Variants in SPPL2B observed in about 807,000 individuals in gnomAD.
SPPL2B encodes signal peptide peptidase like 2B.
SPPL2B carries 39 observed loss-of-function variants against 59.7 expected under a neutral mutation model. The ratio of observed to expected loss-of-function variants is 0.65; its 90% confidence interval spans 0.51 to 0.85. SPPL2B has a LOEUF of 0.85. Ranked by LOEUF, SPPL2B falls within the 40% of genes least tolerant of loss-of-function variation. SPPL2B has a pLI of 0.00. For synonymous variants in SPPL2B, 419 were observed against 370.8 expected, an observed-to-expected ratio of 1.13 and a Z score of -1.49; for missense variants, 865 against 849.0, an observed-to-expected ratio of 1.02 and a Z score of -0.23.
chr19:2,334,439 C>T (rs889962221), intron 1 of SPPL2B, among the ~76,000 whole-genome samples, 163 bp from the exon 2 acceptor site: 6 of 152,220 alleles, frequency 3.9e-5, no homozygotes, highest in East Asian at 1.9e-4. Flanking sequence ...CGTATGGTCA[C>T]GTCCCTGTCT....
chr19:2,351,815 C>T (rs1599259685), intron 14 of SPPL2B, among the ~76,000 whole-genome samples: 2 of 101,706 alleles, frequency 2.0e-5, no homozygotes, highest in South Asian at 3.3e-4. Flanking sequence ...AGGTGGGGCC[C>T]GGGGGTGCCG....
chr19:2,346,392 A>C (rs1394140280), intron 13 of SPPL2B, among the ~76,000 whole-genome samples: 3 of 152,240 alleles, frequency 2.0e-5, no homozygotes, highest in Admixed American at 6.5e-5. Flanking sequence ...GAGGCCGGGT[A>C]CGGGGGCTCA....
chr19:2,341,620 C>T (rs1304261797), intron 8 of SPPL2B: 2 of 456,140 alleles, frequency 4.4e-6, no homozygotes, highest in East Asian at 1.4e-4. Flanking sequence ...TACCATCTGG[C>T]ACTTCCTCCC....
rs372457091 is a variant in SPPL2B at position 2,339,827 on chromosome 19, G to T, written c.603G>T (p.Arg201Ser). 7 of 1,606,728 alleles carry T rather than the reference G, an allele frequency of 4.4e-6. No individual in the cohort carries two copies. The African/African-American group carries it at 9.4e-5, about 21-fold the overall frequency. ...YWAGSRDVKK[R>S]YMKHKRDDGP... ...CGACCCCATGGTGTCTCCCAAGAAG[G>T]TACATGAAGCACAAGCGCGACGATG... Residue 201 changes from arginine to serine, a missense_variant, in exon 6 of 15, where the codon AGG (arginine) becomes AGT (serine). Transcript: ENST00000613503.
At chr19:2,335,980 C>CGTA (rs1555749940) in intron 2 of SPPL2B, among the ~76,000 whole-genome samples, 3 of 152,004 alleles carry the variant, frequency 2.0e-5, no homozygotes, top group Admixed American at 1.3e-4. Flanking sequence ...TGTGTGAACA[C>CGTA]ATAGGTGTGT....
intron 7 of SPPL2B, chr19:2,340,655 G>C: frequency 1.7e-6 from 1 of 575,282 alleles, no homozygotes; most frequent in South Asian, 2.1e-5. Context: ...GGGCGAAGGG[G>C]CGCAGCGCAG....
chr19:2,350,418 CCA>C (rs56289055), intron 13 of SPPL2B, among the ~76,000 whole-genome samples: 95,566 of 140,928 alleles, frequency 0.68, 33,270 homozygotes, highest in Non-Finnish European at 0.74. Flanking sequence ...CGTTCTCTCT[CCA>C]CACACACACT....
At chr19:2,344,798 A>C in intron 12 of SPPL2B, 146 bp downstream of exon 12, 1 of 655,584 alleles carries the variant, frequency 1.5e-6, no homozygotes, top group Non-Finnish European at 2.7e-6. Context: ...GGGGCCGTTG[A>C]GGCCTGGGTG....
rs1259900199 is a variant in SPPL2B at position 2,337,520 on chromosome 19, C to T, written c.264C>T (p.Asn88=). Reference sequence around the variant, plus strand: ...ACCTCCCCGCCCGTGGCTTCAGCAACCAGATCCCGCTGGTGGCGCGGGGGA... The same window carrying T: ...ACCTCCCCGCCCGTGGCTTCAGCAATCAGATCCCGCTGGTGGCGCGGGGGA... The part of the protein sequence containing the change: ...AADLPARGFS[N]QIPLVARGNC... Residue 88 remains asparagine, a synonymous_variant, in exon 3 of 15, where the codon AAC becomes AAT. Transcript: ENST00000613503. 1.9e-6 allele frequency: 3 copies of T among 1,613,300 alleles called. No homozygotes were observed. Among genetic ancestry groups the T allele is most frequent in the East Asian group, 2.2e-5 (1 of 44,868 alleles).
Position 2,353,106 on chromosome 19 carries a change from TGGG to T in SPPL2B, c.1679_1681del (p.Gly560del), listed in dbSNP as rs763136797. The T allele has an allele frequency of 1.2e-6, 2 of 1,610,690 alleles. No individual in the cohort carries two copies. On this transcript the variant is annotated inframe_deletion, in exon 15 of 15. Transcript: ENST00000613503. ...CCAAAATCACGCACGTCCGAGGAGA[TGGG>T]GGCTGGAGCCCCCATGCGGGAGCCT...
chr19:2,329,959 C>G (rs1968193601), intron 1 of SPPL2B, among the ~76,000 whole-genome samples: 1 of 152,020 alleles, frequency 6.6e-6, no homozygotes, highest in African/African-American at 2.4e-5. Context: ...GCTGCTCTGT[C>G]AGCCCCCTTT....
intron 7 of SPPL2B, among the ~76,000 whole-genome samples, 183 bp from the exon 8 acceptor site, chr19:2,340,715 C>T (rs903471088): frequency 2.3e-4 from 35 of 152,112 alleles, no homozygotes; most frequent in African/African-American, 8.2e-4. Flanking sequence ...CTGCCCGGGT[C>T]GGGCTCTGCC....
intron 8 of SPPL2B, chr19:2,341,400 G>A (rs1365637033): frequency 4.2e-6 from 2 of 470,832 alleles, no homozygotes; most frequent in East Asian, 6.5e-5. Flanking sequence ...GGGCACCAGG[G>A]CACCCGGTCC....
In SPPL2B at chr19:2,332,224, C is replaced by T. The variant is rs975873050; in HGVS notation, c.67-2378C>T. Among the ~76,000 whole-genome samples the T allele has an allele frequency of 6.6e-6, 1 of 152,212 alleles. No individual in the cohort carries two copies. Among genetic ancestry groups the T allele is most frequent in the African/African-American group, 2.4e-5 (1 of 41,438 alleles). ...ATTGTGGGGACCGGGGCTCCGTGGG[C>T]TTTCACCATGCTGCCACCCCGAGGT... On this transcript the variant is annotated intron_variant, in intron 1 of 14. Transcript: ENST00000613503. This position sits in a 1 kb window ranked among gnomAD's most constrained non-coding sequence, Gnocchi z 4.6.
intron 4 of SPPL2B, 79 bp from the exon 5 acceptor site, chr19:2,338,990 C>G (rs1269314463): frequency 6.6e-7 from 1 of 1,504,880 alleles, no homozygotes; most frequent in East Asian, 2.5e-5. Context: ...CAGCCCCAGC[C>G]CCACAGCCCA....
In SPPL2B at chr19:2,349,968, C is replaced by T. The variant is rs545554126; in HGVS notation, c.1355-1466C>T. ...TCATTTGCTTGATTCTGTTCTCTCT[C>T]TACACACACTCACGCGCTCTCATTT... On this transcript the variant is annotated intron_variant, in intron 13 of 14. Coordinates refer to ENST00000613503, the MANE Select transcript of SPPL2B (RefSeq NM_152988.3). Among the ~76,000 whole-genome samples, 112 of 149,448 alleles carry T rather than the reference C, an allele frequency of 7.5e-4. 4 individuals are homozygous for T. The highest frequency in any genetic ancestry group is 2.5e-3 in the African/African-American group (99 of 40,222).
chr19:2,330,040 G>A (rs2145133381), intron 1 of SPPL2B, among the ~76,000 whole-genome samples: 1 of 152,270 alleles, frequency 6.6e-6, no homozygotes, highest in South Asian at 2.1e-4. Flanking sequence ...AAAGCCAGAG[G>A]TGGAAGAAAG....
chr19:2,344,315 C>T (rs1394460076), intron 10 of SPPL2B, 47 bp from the exon 11 acceptor site: 8 of 952,614 alleles, frequency 8.4e-6, no homozygotes, highest in African/African-American at 5.8e-5. Flanking sequence ...CTCCCCTGCC[C>T]CCCCACCCCA....
intron 1 of SPPL2B, among the ~76,000 whole-genome samples, chr19:2,334,048 G>A (rs944494975): frequency 1.3e-5 from 2 of 152,194 alleles, no homozygotes; most frequent in African/African-American, 4.8e-5. Flanking sequence ...GATCCCCCTC[G>A]TCTGGGCCCC....
Sources: gnomAD v4.1 joint callset for allele counts (sites outside exome capture counted in the v4.1 genomes callset) on GRCh38, gnomAD v4.1.1 for gene constraint, Gnocchi (gnomAD v3.1) non-coding constraint, MANE v1.5 for transcripts, NCBI Gene and HGNC (gene_info 2026-07-23, HGNC 2026-07-21) for gene names.